ARID1A: variants seen among roughly 807,000 people sequenced by gnomAD.
ARID1A encodes the protein AT-rich interactive domain-containing protein 1A.
In ARID1A, 20 loss-of-function variants were observed where a neutral mutation model predicts 212.6. That is an observed-to-expected ratio of 0.09 (90% CI 0.07 to 0.14). The LOEUF (loss-of-function observed/expected upper bound fraction) is 0.14. Among genes scored for constraint, ARID1A ranks in the 10% least tolerant of loss-of-function variants. The pLI is 1.00. For synonymous variants in ARID1A, 1,376 were observed against 1,222.1 expected, an observed-to-expected ratio of 1.13 and a Z score of -2.63; for missense variants, 2,587 against 3,059.0, an observed-to-expected ratio of 0.85 and a Z score of 3.64.
At position 26,779,066 on chromosome 1, in the gene ARID1A, GC is replaced by G; in HGVS notation, c.5170del (p.Leu1724Ter). On this transcript the variant is annotated frameshift_variant, in exon 20 of 20. Coordinates refer to ENST00000324856, the MANE Select transcript of ARID1A (RefSeq NM_006015.6). LOFTEE classifies it high-confidence loss of function. ...CTCCTTGTAGAATATTTCCGACGAT[GC>G]CTGATTGAGATCTTTGGCATTTTAA... ...LELLVEYFRR[C>X]LIEIFGILKE... 4 of 1,512,122 alleles carry G rather than the reference GC, an allele frequency of 2.6e-6. No individual in the cohort carries two copies. Among genetic ancestry groups the G allele is most frequent in the Admixed American group, 2.3e-5 (1 of 44,284 alleles). The allele number at this position is 1,512,122 out of a possible 1,614,324, so 93.7% of individuals were successfully genotyped here.
chr1:26,713,408 G>A (rs1418713922), intron 1 of ARID1A, among the ~76,000 whole-genome samples: 2 of 151,238 alleles, frequency 1.3e-5, no homozygotes, highest in Non-Finnish European at 2.9e-5. Context: ...GCGCAGGCTG[G>A]AGTGCAATGG....
At chr1:26,708,307 C>T (rs1052422429) in intron 1 of ARID1A, among the ~76,000 whole-genome samples, 3 of 54,776 alleles carry the variant, frequency 5.5e-5, no homozygotes, top group African/African-American at 8.3e-5. Flanking sequence ...TTTTTTGAGA[C>T]GGAGTCTTGC....
intron 4 of ARID1A, among the ~76,000 whole-genome samples, chr1:26,757,624 T>A (rs2124042763): frequency 6.6e-6 from 1 of 152,292 alleles, no homozygotes; most frequent in South Asian, 2.1e-4. Context: ...GTTTTTATCA[T>A]GAGAATGTTC....
intron 1 of ARID1A, among the ~76,000 whole-genome samples, chr1:26,715,451 G>A (rs1416704006): frequency 6.6e-6 from 1 of 152,184 alleles, no homozygotes; most frequent in Non-Finnish European, 1.5e-5. Context: ...CCATACCAAG[G>A]ACCTTTTCCT....
At position 26,731,342 on chromosome 1, in the gene ARID1A, C is replaced by T. The variant is rs2124788840; in HGVS notation, c.1541C>T (p.Ser514Phe). The change falls in exon 3 of 20, where the codon TCT (serine) becomes TTT (phenylalanine). Residue 514 changes from serine to phenylalanine, a missense_variant. This residue lies in a region of ARID1A where 674 missense variants were observed against 813.4 expected (regional missense o/e 0.83). Coordinates refer to ENST00000324856, the MANE Select transcript of ARID1A (RefSeq NM_006015.6). The stretch of plus-strand genomic sequence containing the variant: ...TCTCAACCACCACAGCTCCAGTCCT[C>T]TCAGCCTCCATACTCCCAGCAGCCA... ...PQSQPPQLQS[S>F]QPPYSQQPSQ... is the part of the protein sequence containing the mutation. 1.2e-6 allele frequency: 2 copies of T among 1,613,908 alleles called. No homozygotes were observed. The highest frequency in any genetic ancestry group is 1.3e-5 in the African/African-American group (1 of 74,940).
At chr1:26,759,541 C>G (rs376483298) in intron 4 of ARID1A, among the ~76,000 whole-genome samples, 1 of 152,264 alleles carries the variant, frequency 6.6e-6, no homozygotes, top group East Asian at 1.9e-4. Flanking sequence ...CTTTATTTAC[C>G]ATTTAAGTAT....
chr1:26,711,122 T>G (rs901745664), intron 1 of ARID1A, among the ~76,000 whole-genome samples: 1 of 151,894 alleles, frequency 6.6e-6, no homozygotes, highest in African/African-American at 2.4e-5. Flanking sequence ...CTCTTTTTTT[T>G]TTTTGAGACA....
chr1:26,745,914 G>A (rs2080831728), intron 4 of ARID1A, among the ~76,000 whole-genome samples: 1 of 152,156 alleles, frequency 6.6e-6, no homozygotes, highest in African/African-American at 2.4e-5. Flanking sequence ...AGCCGGGCGT[G>A]GTGGCATGTG....
intron 1 of ARID1A, among the ~76,000 whole-genome samples, chr1:26,722,181 T>A (rs2080571523): frequency 6.6e-6 from 1 of 152,206 alleles, no homozygotes; most frequent in Non-Finnish European, 1.5e-5. Flanking sequence ...ATGTGTCTGA[T>A]CTTCTAGAAT....
At position 26,721,751 on chromosome 1, in the gene ARID1A, G is replaced by A. The variant is rs541855086; in HGVS notation, c.1138-7900G>A. On this transcript the variant is annotated intron_variant, in intron 1 of 19. Transcript: ENST00000324856. ...ACTTATCATTTGTTGGGATTCATTAGTTTGATGCTGTAGCTGCTTTATTTG... is the reference window on the plus strand; with the variant it reads ...ACTTATCATTTGTTGGGATTCATTAATTTGATGCTGTAGCTGCTTTATTTG... 1.1e-4 allele frequency among the ~76,000 whole-genome samples: 16 copies of A among 152,338 alleles called. No individual in the cohort carries two copies. The South Asian group carries it at 3.3e-3, about 32-fold the overall frequency.
chr1:26,702,387 G>C (rs2080339668), intron 1 of ARID1A, among the ~76,000 whole-genome samples: 1 of 152,152 alleles, frequency 6.6e-6, no homozygotes, highest in Non-Finnish European at 1.5e-5. Context: ...GTGTAATTTA[G>C]GTATATTAGA....
intron 4 of ARID1A, among the ~76,000 whole-genome samples, chr1:26,753,673 C>A (rs1037639515): frequency 6.6e-6 from 1 of 152,166 alleles, no homozygotes; most frequent in Admixed American, 6.5e-5. Context: ...CATCTCTCAG[C>A]AGGATTATAC....
In ARID1A at chr1:26,773,384, C is replaced by T. The variant is rs1482702384; in HGVS notation, c.3754C>T (p.Pro1252Ser). The T allele has an allele frequency of 1.2e-6, 2 of 1,611,316 alleles. No homozygotes were observed. Among genetic ancestry groups the T allele is most frequent in the African/African-American group, 2.7e-5 (2 of 74,860 alleles). Residue 1252 changes from proline to serine, a missense_variant, in exon 15 of 20, where the codon CCC (proline) becomes TCC (serine). By Grantham distance (74) the Pro-to-Ser change is moderately conservative. This residue lies in a region of ARID1A where 890 missense variants were observed against 1,098.2 expected (regional missense o/e 0.81). Coordinates refer to ENST00000324856, the MANE Select transcript of ARID1A (RefSeq NM_006015.6). The part of the protein sequence containing the change: ...SDPFMSSGQG[P>S]NGGMGDPYSR... Reference sequence around the variant, plus strand: ...TCCCTTCATGTCCTCAGGGCAGGGCCCCAACGGCGGGATGGGTGACCCCTA... The same window carrying T: ...TCCCTTCATGTCCTCAGGGCAGGGCTCCAACGGCGGGATGGGTGACCCCTA...
Position 26,773,443 on chromosome 1 carries a change from G to A in ARID1A, c.3813G>A (p.Val1271=), listed in dbSNP as rs1443035938. Residue 1271 remains valine, a synonymous_variant, in exon 15 of 20, where the codon GTG becomes GTA. Coordinates refer to ENST00000324856, the MANE Select transcript of ARID1A (RefSeq NM_006015.6). Reference sequence around the variant, plus strand: ...CTGCCGGCCCTGGGCTAGGAAATGTGGCGATGGGACCACGACAGCACTATC... The same window carrying A: ...CTGCCGGCCCTGGGCTAGGAAATGTAGCGATGGGACCACGACAGCACTATC... The part of the protein sequence containing the change: ...SRAAGPGLGN[V]AMGPRQHYPY... 8 of 1,613,686 alleles carry A rather than the reference G, an allele frequency of 5.0e-6. No individual in the cohort carries two copies. The highest frequency in any genetic ancestry group is 6.8e-6 in the Non-Finnish European group (8 of 1,179,878).
intron 4 of ARID1A, among the ~76,000 whole-genome samples, chr1:26,756,300 A>C (rs2080935776): frequency 6.6e-6 from 1 of 152,062 alleles, no homozygotes; most frequent in Non-Finnish European, 1.5e-5. Context: ...TCATGCCTGT[A>C]ATACCGGCAT....
intron 4 of ARID1A, among the ~76,000 whole-genome samples, chr1:26,752,685 C>T (rs59715866): frequency 0.059 from 9,041 of 152,272 alleles, 326 homozygotes; most frequent in Non-Finnish European, 0.08. Context: ...GGATTTCCTC[C>T]CATTCTTCAG....
In ARID1A at chr1:26,697,242, C is replaced by T; in HGVS notation, c.839C>T (p.Ser280Phe). ...GGGGCCATGGGGGGAGGCGGCCCCT[C>T]CGCGGCCGGCGGGGGAACTCCCCAG... Reference protein sequence around the residue: ...RFGAMGGGGPSAAGGGTPQPT... With the variant: ...RFGAMGGGGPFAAGGGTPQPT... The change falls in exon 1 of 20, where the codon TCC becomes TTC. Residue 280 changes from serine to phenylalanine, a missense_variant. Coordinates refer to ENST00000324856, the MANE Select transcript of ARID1A (RefSeq NM_006015.6). 4 of 1,372,722 alleles carry T rather than the reference C, an allele frequency of 2.9e-6. No homozygotes were observed. The highest frequency in any genetic ancestry group is 3.7e-6 in the Non-Finnish European group (4 of 1,070,244). 85.0% of individuals were successfully genotyped at this position (1,372,722 alleles called of 1,614,324 possible).
intron 1 of ARID1A, among the ~76,000 whole-genome samples, chr1:26,705,976 T>C (rs892766703): frequency 3.9e-5 from 6 of 152,174 alleles, no homozygotes; most frequent in African/African-American, 1.4e-4. Flanking sequence ...GTTGACTTAG[T>C]GTTGGTCATG....
chr1:26,757,482 A>G (rs1052429870), intron 4 of ARID1A, among the ~76,000 whole-genome samples: 1 of 151,844 alleles, frequency 6.6e-6, no homozygotes. Flanking sequence ...AAAAAAAAAA[A>G]AAAGGAAATA....
Sources: allele counts gnomAD v4.1 joint callset (sites outside exome capture counted in the v4.1 genomes callset), GRCh38; gene constraint gnomAD v4.1.1; regional missense constraint gnomAD v4.1.1; transcripts MANE v1.5; gene names NCBI Gene and HGNC (gene_info 2026-07-23, HGNC 2026-07-21).